The following ITSN2 variants were observed in gnomAD, a reference collection of about 807,000 sequenced individuals.
The protein encoded by ITSN2 is intersectin 2.
Under a neutral mutation model 243.7 loss-of-function variants are expected in ITSN2, and 156 were observed. The observed-to-expected ratio is 0.64, with a 90% CI of 0.56 to 0.73. The LOEUF (loss-of-function observed/expected upper bound fraction) is 0.73, where lower values mean the gene tolerates loss of function less well. Ranked by LOEUF, ITSN2 falls within the 30% of genes least tolerant of loss-of-function variation. The pLI is 0.00. For synonymous variants in ITSN2, 703 were observed against 699.9 expected (o/e 1.00, Z -0.07); for missense variants, 1,801 against 1,996.1 (o/e 0.90, Z 1.86).
At chr2:24,270,939 A>G (rs557911260) in intron 19 of ITSN2, among the ~76,000 whole-genome samples, 171 bp from the exon 20 acceptor site, 52 of 152,316 alleles carry the variant, frequency 3.4e-4, no homozygotes, top group African/African-American at 1.3e-3. Context: ...TCATCTAATA[A>G]AAAAGCAAAC....
chr2:24,212,250 T>G (rs1341887600), intron 33 of ITSN2, among the ~76,000 whole-genome samples: 1 of 152,114 alleles, frequency 6.6e-6, no homozygotes, highest in African/African-American at 2.4e-5. Context: ...TCAGGGTGGA[T>G]GGAGGCAGAT....
rs536692164 is a variant in ITSN2, at chr2:24,266,938, AAAAT to A, written c.2355+3729_2355+3732del. Among the ~76,000 whole-genome samples, 34 of 152,200 alleles carry A rather than the reference AAAAT, an allele frequency of 2.2e-4. No individual in the cohort carries two copies. The East Asian group carries it at 6.0e-3, about 27-fold the overall frequency. Reference sequence around the variant, plus strand: ...GGTAACAGATTGAGACCCAGTTTCAAAAATAAATAAATAAATAAAATAAAATAGC... The same window carrying A: ...GGTAACAGATTGAGACCCAGTTTCAAAAATAAATAAATAAAATAAAATAGC... On this transcript the variant is annotated intron_variant, in intron 20 of 39. Coordinates refer to ENST00000355123, the MANE Select transcript of ITSN2 (RefSeq NM_006277.3).
At chr2:24,319,080 C>T (rs955064248) in intron 2 of ITSN2, among the ~76,000 whole-genome samples, 2 of 152,304 alleles carry the variant, frequency 1.3e-5, no homozygotes, top group African/African-American at 2.4e-5. Flanking sequence ...TACCACAAAT[C>T]TGTGGAAAAA....
chr2:24,208,783 G>A (rs1021341000), intron 36 of ITSN2, among the ~76,000 whole-genome samples: 7 of 152,210 alleles, frequency 4.6e-5, no homozygotes, highest in South Asian at 2.1e-4. Flanking sequence ...AGGAGGCCTC[G>A]GAAACCAGCA....
chr2:24,266,055 C>T (rs570106818), intron 20 of ITSN2, among the ~76,000 whole-genome samples: 5 of 152,258 alleles, frequency 3.3e-5, no homozygotes, highest in Admixed American at 6.5e-5. Context: ...TTTATGAAGG[C>T]GCTTTGGAAA....
In ITSN2 at chr2:24,210,904, AG is replaced by A. The variant is rs1346133923; in HGVS notation, c.4132del (p.Leu1378Ter). On this transcript the variant is annotated frameshift_variant, in exon 34 of 40. Transcript: ENST00000355123. LOFTEE classifies it high-confidence loss of function. ...CTCTGCCCGCTCGAGGGCCAGCTTT[AG>A]GGAGGAATGGTCTGCATGGCTCTCC... ...TPESHADHSS[L>X]KLALERAEEL... is the part of the protein sequence containing the mutation. 6.2e-7 allele frequency: 1 copy of A among 1,614,058 alleles called. No homozygotes were observed. The highest frequency in any genetic ancestry group is 8.5e-7 in the Non-Finnish European group (1 of 1,180,036).
intron 29 of ITSN2, among the ~76,000 whole-genome samples, chr2:24,233,868 G>A (rs1671860647): frequency 6.6e-6 from 1 of 152,164 alleles, no homozygotes; most frequent in Non-Finnish European, 1.5e-5. Context: ...CTCTTTGAAA[G>A]AGTAAGTGAT....
chr2:24,356,288 G>A (rs1181955371), intron 1 of ITSN2, among the ~76,000 whole-genome samples: 3 of 150,258 alleles, frequency 2.0e-5, no homozygotes, highest in African/African-American at 7.4e-5. Context: ...AGAGATTGTG[G>A]TGAGCCAAGA....
At chr2:24,326,027 T>C (rs1341147042) in intron 2 of ITSN2, among the ~76,000 whole-genome samples, 1 of 152,138 alleles carries the variant, frequency 6.6e-6, no homozygotes, top group Non-Finnish European at 1.5e-5. Context: ...TAACAATCTA[T>C]GTCAGGATTA....
chr2:24,343,402 C>T (rs1020876119), intron 1 of ITSN2, among the ~76,000 whole-genome samples: 1 of 152,100 alleles, frequency 6.6e-6, no homozygotes, highest in African/African-American at 2.4e-5. Flanking sequence ...ACCAATTTTT[C>T]ACAGTGAATA....
intron 15 of ITSN2, among the ~76,000 whole-genome samples, chr2:24,287,709 T>C (rs1198892929): frequency 1.3e-5 from 2 of 152,082 alleles, no homozygotes; most frequent in Non-Finnish European, 2.9e-5. Context: ...TCGTTATCTC[T>C]GATCTTTTTG....
intron 25 of ITSN2, among the ~76,000 whole-genome samples, chr2:24,250,923 A>C (rs923422996): frequency 6.6e-6 from 1 of 152,090 alleles, no homozygotes; most frequent in Non-Finnish European, 1.5e-5. Context: ...CAAAAATATA[A>C]AACAGCCTGT....
At chr2:24,302,752 C>A (rs1048487937) in intron 9 of ITSN2, among the ~76,000 whole-genome samples, 2 of 152,148 alleles carry the variant, frequency 1.3e-5, no homozygotes, top group South Asian at 2.1e-4. Context: ...AATTCACCTA[C>A]CAAATCACAT....
chr2:24,205,328 C>T (rs1227526943), intron 37 of ITSN2, 31 bp from the exon 38 acceptor site: 1 of 1,583,688 alleles, frequency 6.3e-7, no homozygotes, highest in African/African-American at 1.3e-5. Context: ...TCTCATTAAT[C>T]TCTTCTCCAA....
At chr2:24,273,279 T>C (rs1677603479) in intron 18 of ITSN2, among the ~76,000 whole-genome samples, 1 of 152,230 alleles carries the variant, frequency 6.6e-6, no homozygotes, top group African/African-American at 2.4e-5. Flanking sequence ...TCCTCTATCA[T>C]GTCATAGAAT....
chr2:24,347,025 C>T (rs1316714550), intron 1 of ITSN2, among the ~76,000 whole-genome samples: 1 of 151,958 alleles, frequency 6.6e-6, no homozygotes, highest in Admixed American at 6.6e-5. Context: ...CCACCACGCC[C>T]AGCTAATTTT....
intron 1 of ITSN2, among the ~76,000 whole-genome samples, chr2:24,337,121 G>GT (rs895709807): frequency 1.2e-3 from 179 of 150,050 alleles, no homozygotes; most frequent in African/African-American, 4.1e-3. Context: ...ACTTCTGAAG[G>GT]TTTTTTATCG....
Position 24,204,717 on chromosome 2 carries a change from C to T in ITSN2, c.4763-299G>A, listed in dbSNP as rs1485757195. The T allele has an allele frequency of 7.2e-6, 4 of 553,248 alleles. No individual in the cohort carries two copies. The highest frequency in any genetic ancestry group is 1.4e-5 in the Non-Finnish European group (4 of 290,200). 34.3% of individuals were successfully genotyped at this position (553,248 alleles called of 1,614,324 possible). On this transcript the variant is annotated intron_variant, in intron 38 of 39. Coordinates refer to ENST00000355123, the MANE Select transcript of ITSN2 (RefSeq NM_006277.3). This position sits in a 1 kb window ranked among gnomAD's most constrained non-coding sequence, Gnocchi z 5.1. The stretch of plus-strand genomic sequence containing the variant: ...GCTGCATGCTTCCTCGGCGCAGACA[C>T]ACTCGGGAAGGCGGGCACTGGCACT...
chr2:24,344,733 C>G (rs1687359192), intron 1 of ITSN2, among the ~76,000 whole-genome samples: 1 of 152,158 alleles, frequency 6.6e-6, no homozygotes, highest in African/African-American at 2.4e-5. Flanking sequence ...AGGTGGATCA[C>G]CTGAGGTCAG....
Sources: allele counts gnomAD v4.1 joint callset (sites outside exome capture counted in the v4.1 genomes callset), GRCh38; gene constraint gnomAD v4.1.1; non-coding constraint Gnocchi (gnomAD v3.1); transcripts MANE v1.5; gene names NCBI Gene and HGNC (gene_info 2026-07-23, HGNC 2026-07-21).